Variants in SLC36A1 observed in about 807,000 individuals in gnomAD.
SLC36A1 encodes the protein solute carrier family 36 member 1, also known as proton-coupled amino acid transporter 1.
SLC36A1 carries 30 observed loss-of-function variants against 47.5 expected under a neutral mutation model. The ratio of observed to expected loss-of-function variants is 0.63; its 90% CI spans 0.47 to 0.86. SLC36A1 has a LOEUF of 0.86. Among genes scored for constraint, SLC36A1 ranks in the 40% least tolerant of loss-of-function variants. The pLI is 0.00. For synonymous variants in SLC36A1, 255 were observed against 249.7 expected, an observed-to-expected ratio of 1.02 and a Z score of -0.20; for missense variants, 517 against 606.0, an observed-to-expected ratio of 0.85 and a Z score of 1.54.
chr5:151,516,077 G>A, the SLC36A1 span, among the ~76,000 whole-genome samples: 1 of 152,080 alleles, frequency 6.6e-6, no homozygotes, highest in African/African-American at 2.4e-5. Flanking sequence ...CTGCCAAAAG[G>A]CTTTCACATT....
the SLC36A1 span, chr5:151,553,121 C>A: frequency 6.5e-7 from 1 of 1,537,200 alleles, no homozygotes; most frequent in Non-Finnish European, 9.0e-7. Flanking sequence ...AAAACTAGAG[C>A]TGGTGTATAA....
the SLC36A1 span, chr5:151,382,255 C>CTG: frequency 7.5e-7 from 1 of 1,336,116 alleles, no homozygotes; most frequent in Non-Finnish European, 1.1e-6. Flanking sequence ...CACTACCAGC[C>CTG]TGGGAGCTAC....
the SLC36A1 span, among the ~76,000 whole-genome samples, chr5:151,529,764 CA>C: frequency 6.6e-6 from 1 of 152,208 alleles, no homozygotes; most frequent in Non-Finnish European, 1.5e-5. Context: ...CTCTAATAGG[CA>C]AGTGACTTGT....
At position 151,476,807 on chromosome 5, in the gene SLC36A1, T is replaced by A. The variant is rs1414460720; in HGVS notation, c.989+51T>A. On this transcript the variant is annotated intron_variant, in intron 9 of 10. Transcript: ENST00000243389. ...AGGAGCACTGGATATTTTTAAAAAC[T>A]AATGGGTCACAGTGTGGATTCTCCC... 3 of 1,600,000 alleles carry A rather than the reference T, an allele frequency of 1.9e-6. No homozygotes were observed. The East Asian group carries it at 6.7e-5, about 36-fold the overall frequency.
At chr5:151,469,307 G>C (rs1757015400) in intron 7 of SLC36A1, 2 of 680,440 alleles carry the variant, frequency 2.9e-6, no homozygotes, top group African/African-American at 1.8e-5. Context: ...AATATATTTT[G>C]TTTTCATTTT....
the SLC36A1 span, among the ~76,000 whole-genome samples, chr5:151,353,490 G>A: frequency 6.6e-6 from 1 of 152,116 alleles, no homozygotes; most frequent in African/African-American, 2.4e-5. Flanking sequence ...CCAGCCCCAC[G>A]CATTCACAGC....
chr5:151,401,334 T>G, the SLC36A1 span, among the ~76,000 whole-genome samples: 2 of 152,226 alleles, frequency 1.3e-5, no homozygotes, highest in Non-Finnish European at 2.9e-5. Context: ...CCGTTGGTTG[T>G]AGGTGTGTGG....
the SLC36A1 span, among the ~76,000 whole-genome samples, chr5:151,393,517 T>G: frequency 0.5 from 75,436 of 151,978 alleles, 20,714 homozygotes; most frequent in African/African-American, 0.75. Context: ...TTACAATTTG[T>G]CATGTTTTTG....
At chr5:151,408,281 C>T in the SLC36A1 span, among the ~76,000 whole-genome samples, 1,163 of 152,200 alleles carry the variant, frequency 7.6e-3, 20 homozygotes, top group African/African-American at 0.026. Context: ...TTCTGCCTCC[C>T]GGGTTCAAGT....
At chr5:151,510,215 A>C in the SLC36A1 span, 1 of 1,607,726 alleles carries the variant, frequency 6.2e-7, no homozygotes, top group Non-Finnish European at 8.5e-7. Flanking sequence ...GCACTGGCCT[A>C]GCAGTTAAAG....
chr5:151,382,027 G>T, the SLC36A1 span: 2 of 647,038 alleles, frequency 3.1e-6, no homozygotes, highest in Non-Finnish European at 2.8e-6. Context: ...CCCAGCCCGG[G>T]AGCTCTCCCA....
chr5:151,406,122 A>G, the SLC36A1 span, among the ~76,000 whole-genome samples: 26 of 152,198 alleles, frequency 1.7e-4, no homozygotes, highest in Admixed American at 1.7e-3. Flanking sequence ...CTGGTGCTGC[A>G]CATGCATTTC....
At chr5:151,515,364 T>C in the SLC36A1 span, among the ~76,000 whole-genome samples, 5 of 152,204 alleles carry the variant, frequency 3.3e-5, no homozygotes, top group Non-Finnish European at 7.3e-5. Context: ...TCTACATTGC[T>C]TGGTGATCTC....
At chr5:151,363,299 C>T in the SLC36A1 span, among the ~76,000 whole-genome samples, 2 of 152,158 alleles carry the variant, frequency 1.3e-5, no homozygotes, top group Admixed American at 6.5e-5. Context: ...TGCTGCTGAA[C>T]AACCACTCTG....
Position 151,467,235 on chromosome 5 carries a change from G to A in SLC36A1, c.456G>A (p.Leu152=). The change falls in exon 6 of 11, where the codon CTG becomes CTA. Residue 152 remains leucine, a synonymous_variant. Coordinates refer to ENST00000243389, the MANE Select transcript of SLC36A1 (RefSeq NM_078483.4). The part of the protein sequence containing the change: ...VVDFFLIVTQ[L]GFCCVYFVFL... The stretch of plus-strand genomic sequence containing the variant: ...ACTTCTTCCTGATTGTCACCCAGCT[G>A]GGATTCTGCTGTGTCTATTTTGTGT... The A allele has an allele frequency of 6.2e-7, 1 of 1,613,058 alleles. No homozygotes were observed. Among genetic ancestry groups the A allele is most frequent in the Non-Finnish European group, 8.5e-7 (1 of 1,179,718 alleles).
chr5:151,434,227 A>T (rs760541458), upstream of SLC36A1, among the ~76,000 whole-genome samples: 1 of 152,264 alleles, frequency 6.6e-6, no homozygotes, highest in Non-Finnish European at 1.5e-5. Flanking sequence ...GAAATGTATG[A>T]TACAAACGAA....
chr5:151,348,252 G>T, the SLC36A1 span, among the ~76,000 whole-genome samples: 2 of 152,294 alleles, frequency 1.3e-5, no homozygotes, highest in South Asian at 4.1e-4. Flanking sequence ...AGATACTGGC[G>T]CCAGGAGGTG....
Position 151,480,365 on chromosome 5 carries a change from T to A in SLC36A1, c.1159+876T>A, listed in dbSNP as rs532936250. ...TGTTGAGACTTCCCTGAGAATTTTC[T>A]TAAATTATTCAGTCTGAGCCTCTGT... On this transcript the variant is annotated intron_variant, in intron 10 of 10. Coordinates refer to ENST00000243389, the MANE Select transcript of SLC36A1 (RefSeq NM_078483.4). Among the ~76,000 whole-genome samples, 11 of 152,382 alleles carry A rather than the reference T, an allele frequency of 7.2e-5. No homozygotes were observed. In the South Asian group the frequency reaches 2.3e-3, roughly 32 times the overall value.
chr5:151,388,207 ATG>A, the SLC36A1 span, among the ~76,000 whole-genome samples: 1 of 152,140 alleles, frequency 6.6e-6, no homozygotes, highest in Non-Finnish European at 1.5e-5. Flanking sequence ...CTTCATCTGC[ATG>A]ATAAGAACCT....
Sources: gnomAD v4.1 joint callset for allele counts (sites outside exome capture counted in the v4.1 genomes callset) on GRCh38, gnomAD v4.1.1 for gene constraint, MANE v1.5 for transcripts, NCBI Gene and HGNC (gene_info 2026-07-23, HGNC 2026-07-21) for gene names.